CTNNA2: variants seen among roughly 807,000 people sequenced by gnomAD.
The protein encoded by CTNNA2 is catenin alpha-2.
A neutral mutation model predicts 101.0 loss-of-function variants in CTNNA2; 42 were observed. That is an observed-to-expected ratio of 0.42 (90% CI 0.32 to 0.54). CTNNA2 has a LOEUF of 0.54. CTNNA2 is among the 20% of genes least tolerant of loss of function. The pLI, the probability that CTNNA2 is intolerant of heterozygous loss-of-function variation, is 0.14. For missense variants in CTNNA2, 871 were observed against 1,223.1 expected (o/e 0.71, Z 4.29); for synonymous variants, 450 against 456.4 (o/e 0.99, Z 0.18).
At chr2:80,448,414 T>C (rs182541078) in intron 9 of CTNNA2, among the ~76,000 whole-genome samples, 2 of 152,344 alleles carry the variant, frequency 1.3e-5, no homozygotes, top group East Asian at 1.9e-4. Context: ...TTCAGCAAAA[T>C]TGAAAAGTCA....
chr2:79,915,802 G>A (rs528142961), intron 7 of CTNNA2, among the ~76,000 whole-genome samples: 9 of 152,146 alleles, frequency 5.9e-5, no homozygotes, highest in Admixed American at 2.6e-4. Flanking sequence ...TTATCTATCA[G>A]AATTTATTTA....
chr2:79,584,089 C>G (rs1036965327), intron 1 of CTNNA2, among the ~76,000 whole-genome samples: 1 of 152,014 alleles, frequency 6.6e-6, no homozygotes, highest in Non-Finnish European at 1.5e-5. Flanking sequence ...CTGCCTCCAT[C>G]GTAAAGTTGC....
chr2:79,399,429 G>T (rs1228774525), intron 4 of CTNNA2, among the ~76,000 whole-genome samples: 2 of 152,074 alleles, frequency 1.3e-5, no homozygotes, highest in Admixed American at 1.3e-4. Context: ...GTTTTAAACT[G>T]CCTACCAAAG....
intron 7 of CTNNA2, among the ~76,000 whole-genome samples, chr2:80,005,225 G>C (rs936169113): frequency 4.6e-5 from 7 of 152,154 alleles, no homozygotes; most frequent in Non-Finnish European, 8.8e-5. Context: ...GCATATAGCT[G>C]TGTACTTTTA....
chr2:79,237,478 G>A lies in CTNNA2; in HGVS notation c.-406+39402G>A, dbSNP rs535127087. Among the ~76,000 whole-genome samples the A allele has an allele frequency of 3.3e-5, 5 of 152,282 alleles. No individual in the cohort carries two copies. The East Asian group carries it at 9.6e-4, about 29-fold the overall frequency. Reference sequence around the variant, plus strand: ...CATTGCCTTCAACTCAAATTCACTAGCTGCATTAGCCCTTAACAAATTAGT... The same window carrying A: ...CATTGCCTTCAACTCAAATTCACTAACTGCATTAGCCCTTAACAAATTAGT... On this transcript the variant is annotated intron_variant, in intron 2 of 21. Transcript: ENST00000466387.
At chr2:80,262,978 AC>A (rs959450944) in intron 7 of CTNNA2, among the ~76,000 whole-genome samples, 2 of 151,886 alleles carry the variant, frequency 1.3e-5, no homozygotes, top group Non-Finnish European at 2.9e-5. Flanking sequence ...AATACCTAAT[AC>A]AAATTCTAAC....
At chr2:80,545,656 C>T (rs545175990) in intron 10 of CTNNA2, among the ~76,000 whole-genome samples, 21 of 152,204 alleles carry the variant, frequency 1.4e-4, no homozygotes, top group Non-Finnish European at 2.9e-4. Context: ...TGTGCTAAGT[C>T]ATGAGACTTG....
chr2:80,189,506 C>T (rs780331080), intron 7 of CTNNA2, among the ~76,000 whole-genome samples: 16 of 152,308 alleles, frequency 1.1e-4, no homozygotes, highest in African/African-American at 3.1e-4. Context: ...TGGCAGCCAT[C>T]GTCAAAGTTT....
chr2:80,462,656 G>C (rs1227840946), intron 9 of CTNNA2, among the ~76,000 whole-genome samples: 1 of 51,106 alleles, frequency 2.0e-5, no homozygotes, highest in South Asian at 1.1e-3. Flanking sequence ...TTTTTTTGAC[G>C]AATAAAGAGC....
At chr2:79,911,595 A>C (rs1462221520) in intron 7 of CTNNA2, among the ~76,000 whole-genome samples, 1 of 152,144 alleles carries the variant, frequency 6.6e-6, no homozygotes, top group Non-Finnish European at 1.5e-5. Context: ...GACTCCAGGC[A>C]CTTTTTGTTT....
chr2:80,432,574 GTTAC>G (rs1303698452), intron 9 of CTNNA2, among the ~76,000 whole-genome samples: 1 of 152,126 alleles, frequency 6.6e-6, no homozygotes, highest in African/African-American at 2.4e-5. Context: ...CCAAAATATA[GTTAC>G]TTACTTAGAC....
At chr2:80,108,573 T>C (rs192880924) in intron 7 of CTNNA2, among the ~76,000 whole-genome samples, 3 of 152,348 alleles carry the variant, frequency 2.0e-5, no homozygotes, top group Non-Finnish European at 4.4e-5. Flanking sequence ...GCAAATATTA[T>C]TGTTTCATCA....
chr2:80,310,164 C>G (rs890717772), intron 7 of CTNNA2, among the ~76,000 whole-genome samples: 3 of 152,112 alleles, frequency 2.0e-5, no homozygotes, highest in Non-Finnish European at 4.4e-5. Flanking sequence ...GCTAAAGGGA[C>G]AGAAATGTTA....
chr2:79,498,504 T>G (rs1357962039), intron 4 of CTNNA2, among the ~76,000 whole-genome samples: 4 of 152,210 alleles, frequency 2.6e-5, no homozygotes, highest in Non-Finnish European at 5.9e-5. Context: ...ATTCTGATCA[T>G]TTCATTTTCT....
chr2:79,458,386 A>G (rs1670846541), intron 4 of CTNNA2, among the ~76,000 whole-genome samples: 1 of 152,240 alleles, frequency 6.6e-6, no homozygotes, highest in Non-Finnish European at 1.5e-5. Context: ...ATCAACACCA[A>G]GCATGACTAG....
intron 2 of CTNNA2, among the ~76,000 whole-genome samples, chr2:79,279,296 A>G (rs1241341678): frequency 1.3e-5 from 2 of 152,054 alleles, no homozygotes; most frequent in African/African-American, 2.4e-5. Context: ...AGAAGGCAGG[A>G]GTGGATGGTA....
intron 7 of CTNNA2, among the ~76,000 whole-genome samples, chr2:79,948,868 T>G (rs1574385781): frequency 1.3e-5 from 2 of 152,120 alleles, no homozygotes; most frequent in South Asian, 4.1e-4. Flanking sequence ...CTCAGGAGGC[T>G]AAGGCAGGAG....
intron 3 of CTNNA2, among the ~76,000 whole-genome samples, chr2:79,817,458 GTC>G (rs1478877404): frequency 2.7e-5 from 4 of 150,664 alleles, no homozygotes; most frequent in African/African-American, 9.8e-5. Flanking sequence ...CGTATTTCCA[GTC>G]TCACTCTCAA....
At chr2:80,580,938 C>T (rs1175365968) in intron 13 of CTNNA2, among the ~76,000 whole-genome samples, 1 of 152,096 alleles carries the variant, frequency 6.6e-6, no homozygotes, top group Non-Finnish European at 1.5e-5. Flanking sequence ...ATAACTTGAA[C>T]CTGGGAGGTG....
Sources: allele counts gnomAD v4.1 joint callset (sites outside exome capture counted in the v4.1 genomes callset), GRCh38; gene constraint gnomAD v4.1.1; transcripts MANE v1.5; gene names NCBI Gene and HGNC (gene_info 2026-07-23, HGNC 2026-07-21).